The following MFSD1 variants were observed in gnomAD, a reference collection of about 807,000 sequenced individuals.
The protein encoded by MFSD1 is lysosomal dipeptide transporter MFSD1.
In MFSD1, 59 loss-of-function variants were observed where a neutral mutation model predicts 67.1. That is an observed-to-expected ratio of 0.88 (90% CI 0.71 to 1.09). The LOEUF (loss-of-function observed/expected upper bound fraction) is 1.09. Among genes scored for constraint, MFSD1 ranks in the 50% least tolerant of loss-of-function variants. The probability of loss-of-function intolerance (pLI) is 0.00; values close to 1 mark genes in which losing one functional copy is unlikely to be tolerated. For missense variants in MFSD1, 552 were observed against 566.1 expected (o/e 0.97, Z 0.25); for synonymous variants, 213 against 200.3 (o/e 1.06, Z -0.54).
At chr3:158,826,220 GT>G (rs1327536508) in intron 14 of MFSD1, among the ~76,000 whole-genome samples, 158 bp downstream of exon 14, 1 of 151,952 alleles carries the variant, frequency 6.6e-6, no homozygotes, top group Non-Finnish European at 1.5e-5. Context: ...ATATAATTAT[GT>G]TTTCTGGGCC....
intron 5 of MFSD1, among the ~76,000 whole-genome samples, chr3:158,807,952 A>C (rs552337689): frequency 6.6e-6 from 1 of 152,246 alleles, no homozygotes; most frequent in Admixed American, 6.5e-5. Flanking sequence ...TTGTCTGTTC[A>C]GTAAGCCTAT....
intron 11 of MFSD1, 125 bp from the exon 12 acceptor site, chr3:158,823,302 AT>A: frequency 1.4e-6 from 1 of 699,754 alleles, no homozygotes; most frequent in Admixed American, 2.1e-5. Flanking sequence ...TTTTAGCCTA[AT>A]AACAACAAAA....
chr3:158,819,650 G>C lies in MFSD1; in HGVS notation c.654G>C (p.Gly218=). 1 of 1,464,016 alleles carries C rather than the reference G, an allele frequency of 6.8e-7. No individual in the cohort carries two copies. Among genetic ancestry groups the C allele is most frequent in the Admixed American group, 2.0e-5 (1 of 49,470 alleles). The allele number at this position is 1,464,016 out of a possible 1,614,324, so 90.7% of individuals were successfully genotyped here. ...TCTTTTTTTTTTTTTTTTATTTAGG[G>C]GGTATAACGTGTATTCTTTCACTAA... ...HTTLGITLMI[G]GITCILSLIC... The change falls in exon 8 of 16, where the codon GGG becomes GGC. Residue 218 remains glycine (G), a splice_region_variant and synonymous_variant. Coordinates refer to ENST00000415822, the MANE Select transcript of MFSD1 (RefSeq NM_022736.4).
rs760186838 is a variant in MFSD1, at chr3:158,802,212, C to T, written c.60C>T (p.Asp20=). The change falls in exon 1 of 16, where the codon GAC becomes GAT. Residue 20 remains aspartate (D), a synonymous_variant. Transcript: ENST00000415822. ...TGGCAGGCGGCCCTGACGAGGCCGA[C>T]AGAGGTGCCCCGGCCGCCCCTGGAG... ...ALLAGGPDEA[D]RGAPAAPGAL... 1.2e-6 allele frequency: 2 copies of T among 1,610,722 alleles called. No homozygotes were observed. The highest frequency in any genetic ancestry group is 1.7e-6 in the Non-Finnish European group (2 of 1,179,046).
chr3:158,813,649 T>G (rs1730154128), intron 6 of MFSD1, among the ~76,000 whole-genome samples: 1 of 152,218 alleles, frequency 6.6e-6, no homozygotes, highest in Admixed American at 6.5e-5. Flanking sequence ...TACTGGTATA[T>G]TTTTGTCTTA....
Position 158,827,927 on chromosome 3 carries a change from AGAGAGAGAGAGAGAGGGG to A in MFSD1, c.1394+606_1394+623del, listed in dbSNP as rs1357078828. 8.6e-3 allele frequency among the ~76,000 whole-genome samples: 695 copies of A among 80,494 alleles called. 9 individuals are homozygous for A. The highest frequency in any genetic ancestry group is 0.043 in the African/African-American group (620 of 14,438). The allele number at this position is 80,494 out of a possible 152,430, so 52.8% of individuals were successfully genotyped here. On this transcript the variant is annotated intron_variant, in intron 15 of 15. Coordinates refer to ENST00000415822, the MANE Select transcript of MFSD1 (RefSeq NM_022736.4). ...GAGAGAGAGAGGGGGAGAGAGAGAG[AGAGAGAGAGAGAGAGGGG>A]GAGAGAGAGAGAGAGAGAGAGAGAG...
intron 7 of MFSD1, among the ~76,000 whole-genome samples, chr3:158,816,082 T>C (rs1159443305): frequency 3.9e-5 from 6 of 152,010 alleles, no homozygotes; most frequent in African/African-American, 1.4e-4. Flanking sequence ...GTTCCAAGTC[T>C]TTGCTATTGT....
rs781642086 is a variant in MFSD1 at position 158,820,259 on chromosome 3, C to A, written c.796C>A (p.Leu266Met). 6.2e-7 allele frequency: 1 copy of A among 1,612,112 alleles called. No homozygotes were observed. Among genetic ancestry groups the A allele is most frequent in the South Asian group, 1.1e-5 (1 of 91,010 alleles). The change falls in exon 9 of 16, where the codon CTG (leucine) becomes ATG (methionine). Residue 266 changes from leucine (L) to methionine (M), a missense_variant. Coordinates refer to ENST00000415822, the MANE Select transcript of MFSD1 (RefSeq NM_022736.4). ...LTDVKDFSLPLWLIFIICVCY... is the reference protein window; with the variant it reads ...LTDVKDFSLPMWLIFIICVCY... ...TGATGTAAAGGACTTCTCCTTACCCCTGTGGCTTATATTTATCATCTGTGT... is the reference window on the plus strand; with the variant it reads ...TGATGTAAAGGACTTCTCCTTACCCATGTGGCTTATATTTATCATCTGTGT...
rs375410786 is a variant in MFSD1, at chr3:158,828,964, C to T, written c.1395-15C>T. 6.4e-5 allele frequency: 102 copies of T among 1,596,966 alleles called. No individual in the cohort carries two copies. The African/African-American group carries it at 6.6e-4, about 10-fold the overall frequency. On this transcript the variant is annotated splice_polypyrimidine_tract_variant and intron_variant, in intron 15 of 15. Transcript: ENST00000415822. ...TTTCTTCCTCTTTGGTAATTTATTG[C>T]GTTATGTTTTGCAGATGAGAAGTTA...
chr3:158,821,529 C>A, intron 9 of MFSD1, 68 bp from the exon 10 acceptor site: 1 of 1,026,762 alleles, frequency 9.7e-7, no homozygotes, highest in Non-Finnish European at 1.5e-6. Context: ...TATTTTTATT[C>A]AACTTTATTT....
At chr3:158,809,744 G>T (rs1304465785) in intron 6 of MFSD1, among the ~76,000 whole-genome samples, 1 of 152,172 alleles carries the variant, frequency 6.6e-6, no homozygotes, top group African/African-American at 2.4e-5. Flanking sequence ...TTTACTGATG[G>T]CTCTGACTTT....
At chr3:158,818,210 T>C (rs577777613) in intron 7 of MFSD1, among the ~76,000 whole-genome samples, 1 of 152,260 alleles carries the variant, frequency 6.6e-6, no homozygotes, top group South Asian at 2.1e-4. Flanking sequence ...TTTTATTCCC[T>C]TTTTCCCTAA....
At chr3:158,824,315 C>G (rs1730843185) in intron 13 of MFSD1, 79 bp downstream of exon 13, 4 of 1,013,972 alleles carry the variant, frequency 3.9e-6, no homozygotes, top group Non-Finnish European at 6.0e-6. Context: ...GCATAGCTCC[C>G]AGATTTGCCT....
chr3:158,816,262 A>T (rs374784364), intron 7 of MFSD1, among the ~76,000 whole-genome samples: 2 of 152,154 alleles, frequency 1.3e-5, no homozygotes, highest in African/African-American at 2.4e-5. Context: ...TAGTTTACAG[A>T]CCCACCAACA....
In MFSD1 at chr3:158,802,240, C is replaced by T; in HGVS notation, c.88C>T (p.Leu30=). The T allele has an allele frequency of 6.2e-7, 1 of 1,611,390 alleles. No individual in the cohort carries two copies. Among genetic ancestry groups the T allele is most frequent in the Non-Finnish European group, 8.5e-7 (1 of 1,178,872 alleles). The change falls in exon 1 of 16, where the codon CTG becomes TTG. Residue 30 remains leucine (L), a synonymous_variant. Coordinates refer to ENST00000415822, the MANE Select transcript of MFSD1 (RefSeq NM_022736.4). ...AGGTGCCCCGGCCGCCCCTGGAGCCCTGCCGGCCCTCTGCGACCCCAGTCG... is the reference window on the plus strand; with the variant it reads ...AGGTGCCCCGGCCGCCCCTGGAGCCTTGCCGGCCCTCTGCGACCCCAGTCG... ...DRGAPAAPGA[L]PALCDPSRLA...
chr3:158,805,287 A>T, intron 2 of MFSD1, 75 bp from the exon 3 acceptor site: 1 of 1,166,898 alleles, frequency 8.6e-7, no homozygotes, highest in Non-Finnish European at 1.3e-6. Flanking sequence ...TCCACTTTAG[A>T]TTGTCATATT....
chr3:158,805,266 TG>T (rs2108203750), intron 2 of MFSD1, 95 bp from the exon 3 acceptor site: 6 of 979,596 alleles, frequency 6.1e-6, no homozygotes, highest in Non-Finnish European at 9.9e-6. Context: ...GAAAGAAGAA[TG>T]TAACTACTTT....
At chr3:158,814,295 C>T (rs142200536) in intron 7 of MFSD1, among the ~76,000 whole-genome samples, 74 of 152,194 alleles carry the variant, frequency 4.9e-4, no homozygotes, top group African/African-American at 1.7e-3. Flanking sequence ...AAATGGATAG[C>T]CTTATTCCTT....
At chr3:158,806,944 A>G (rs1318142829) in intron 3 of MFSD1, 96 bp from the exon 4 acceptor site, 2 of 1,047,970 alleles carry the variant, frequency 1.9e-6, no homozygotes, top group Non-Finnish European at 2.8e-6. Context: ...AATTATTACT[A>G]AAGGACTTTG....
Sources: gnomAD v4.1 joint callset for allele counts (sites outside exome capture counted in the v4.1 genomes callset) on GRCh38, gnomAD v4.1.1 for gene constraint, MANE v1.5 for transcripts, NCBI Gene and HGNC (gene_info 2026-07-23, HGNC 2026-07-21) for gene names.